TMEM232: variants seen among roughly 807,000 people sequenced by gnomAD.
TMEM232 encodes transmembrane protein 232.
A neutral mutation model predicts 78.8 loss-of-function variants in TMEM232; 80 were observed. That is an observed-to-expected ratio of 1.01 (90% CI 0.85 to 1.22). TMEM232 has a LOEUF of 1.22. Ranked by LOEUF, TMEM232 falls within the 50% of genes most tolerant of loss-of-function variation. TMEM232 has a pLI of 0.00. For synonymous variants in TMEM232, 297 were observed against 254.3 expected, an observed-to-expected ratio of 1.17 and a Z score of -1.60; for missense variants, 881 against 742.2, an observed-to-expected ratio of 1.19 and a Z score of -2.17.
At chr5:110,670,538 G>A (rs10061496) in intron 1 of TMEM232, among the ~76,000 whole-genome samples, 4,428 of 152,152 alleles carry the variant, frequency 0.029, 222 homozygotes, top group African/African-American at 0.1. Context: ...AATCAATATC[G>A]TGAAAATGGC....
chr5:110,439,773 T>C (rs1758830623), intron 12 of TMEM232, among the ~76,000 whole-genome samples: 2 of 152,126 alleles, frequency 1.3e-5, no homozygotes, highest in Admixed American at 1.3e-4. Flanking sequence ...CCAGTGGCTA[T>C]GTTCCACCGA....
chr5:110,715,665 A>G lies in TMEM232; in HGVS notation c.-13+10962T>C, dbSNP rs541750120. Among the ~76,000 whole-genome samples the G allele has an allele frequency of 6.9e-4, 105 of 152,170 alleles. 2 individuals carry two copies. Among genetic ancestry groups the G allele is most frequent in the Middle Eastern group, 6.8e-3 (2 of 294 alleles). On this transcript the variant is annotated intron_variant, in intron 1 of 13. Coordinates refer to ENST00000455884, the MANE Select transcript of TMEM232 (RefSeq NM_001039763.4). ...GCTTCGACCCTAACCATCTGAATGG[A>G]CTCCTTCCTCTCAGCCAGGGCACTC...
chr5:110,625,390 G>C lies in TMEM232; in HGVS notation c.645C>G (p.Ile215Met). ...TCAGGATGAATTGCACATTTGAAAA[G>C]ATGTTTGGATACTTGTGATATGATG... ...SGASYHKYPN[I>M]FSNVQFILKA... Residue 215 changes from isoleucine (I) to methionine (M), a missense_variant, in exon 7 of 14, where the codon ATC becomes ATG. Transcript: ENST00000455884. 6.5e-7 allele frequency: 1 copy of C among 1,545,346 alleles called. No homozygotes were observed. Among genetic ancestry groups the C allele is most frequent in the Non-Finnish European group, 8.7e-7 (1 of 1,143,542 alleles).
intron 11 of TMEM232, among the ~76,000 whole-genome samples, chr5:110,544,135 A>G (rs1342604185): frequency 6.6e-6 from 1 of 152,186 alleles, no homozygotes; most frequent in African/African-American, 2.4e-5. Flanking sequence ...AGTGATGCCT[A>G]TGAAGATTAT....
chr5:110,697,000 A>G (rs1377663923), intron 1 of TMEM232, among the ~76,000 whole-genome samples: 2 of 152,204 alleles, frequency 1.3e-5, no homozygotes, highest in African/African-American at 4.8e-5. Context: ...GTCAATTCTG[A>G]GCCAAAAGAA....
At chr5:110,713,079 A>C (rs1796657783) in intron 1 of TMEM232, among the ~76,000 whole-genome samples, 1 of 152,142 alleles carries the variant, frequency 6.6e-6, no homozygotes, top group Admixed American at 6.5e-5. Context: ...CAGCCATAAA[A>C]AGGAATAAGA....
At chr5:110,529,834 T>C (rs1444407931) in intron 11 of TMEM232, among the ~76,000 whole-genome samples, 2 of 152,214 alleles carry the variant, frequency 1.3e-5, no homozygotes, top group Non-Finnish European at 2.9e-5. Context: ...GAATCAGCAA[T>C]AATAAATGAA....
chr5:110,622,792 T>C (rs991907288), intron 7 of TMEM232, among the ~76,000 whole-genome samples: 5 of 140,032 alleles, frequency 3.6e-5, no homozygotes, highest in Admixed American at 7.9e-5. Flanking sequence ...GGTTGAACAA[T>C]GAGAACACAT....
intron 11 of TMEM232, among the ~76,000 whole-genome samples, chr5:110,548,134 G>C (rs553224331): frequency 6.6e-6 from 1 of 150,912 alleles, no homozygotes; most frequent in East Asian, 1.9e-4. Context: ...GAAGGCCACA[G>C]ATTCAAGGAT....
intron 1 of TMEM232, among the ~76,000 whole-genome samples, chr5:110,689,389 A>C (rs2150217156): frequency 6.6e-6 from 1 of 151,606 alleles, no homozygotes; most frequent in African/African-American, 2.4e-5. Flanking sequence ...ACTAAATTTA[A>C]AAATTGGCAA....
chr5:110,478,063 G>A lies in TMEM232; in HGVS notation c.1703+50525C>T, dbSNP rs913623199. On this transcript the variant is annotated intron_variant, in intron 12 of 13. Transcript: ENST00000455884. The stretch of plus-strand genomic sequence containing the variant: ...TCTGAATAGCATTACCATGTGACAT[G>A]TCTCAGCCATAAGAATCTCTTGGCA... Among the ~76,000 whole-genome samples the A allele has an allele frequency of 3.3e-5, 5 of 151,844 alleles. No individual in the cohort carries two copies. In the South Asian group the frequency reaches 1.0e-3, roughly 31 times the overall value.
chr5:110,624,753 C>T (rs934356545), intron 7 of TMEM232, among the ~76,000 whole-genome samples: 2 of 151,884 alleles, frequency 1.3e-5, no homozygotes, highest in African/African-American at 4.8e-5. Context: ...AATTTATAGC[C>T]AATTTTAGAA....
At chr5:110,532,192 G>C (rs1474562397) in intron 11 of TMEM232, among the ~76,000 whole-genome samples, 1 of 152,022 alleles carries the variant, frequency 6.6e-6, no homozygotes, top group Non-Finnish European at 1.5e-5. Context: ...CATTTGTGCA[G>C]GATCCCACTA....
At chr5:110,403,465 T>G (rs1365157385) in intron 2 of TMEM232, among the ~76,000 whole-genome samples, 1 of 152,020 alleles carries the variant, frequency 6.6e-6, no homozygotes, top group Non-Finnish European at 1.5e-5. Flanking sequence ...GCTTCGGCTA[T>G]CCATAGATTG....
At chr5:110,569,555 A>G (rs1330506018) in intron 10 of TMEM232, among the ~76,000 whole-genome samples, 2 of 151,918 alleles carry the variant, frequency 1.3e-5, no homozygotes, top group Non-Finnish European at 2.9e-5. Context: ...AGAGTTTTAA[A>G]GCCCTTTAAA....
intron 1 of TMEM232, among the ~76,000 whole-genome samples, chr5:110,726,240 C>T (rs375497169): frequency 2.0e-5 from 3 of 152,060 alleles, no homozygotes; most frequent in Admixed American, 6.5e-5. Context: ...TTTCACCAAC[C>T]ACAGAGGATG....
chr5:110,671,172 A>G (rs1175302999), intron 1 of TMEM232, among the ~76,000 whole-genome samples: 1 of 152,220 alleles, frequency 6.6e-6, no homozygotes, highest in African/African-American at 2.4e-5. Flanking sequence ...TGGTCATTAG[A>G]GAAATGCAAA....
chr5:110,413,090 G>A (rs930936066), intron 2 of TMEM232, among the ~76,000 whole-genome samples: 2 of 152,124 alleles, frequency 1.3e-5, no homozygotes, highest in African/African-American at 4.8e-5. Flanking sequence ...TGCCAAAGGA[G>A]ATTAACATTT....
At chr5:110,472,449 T>C (rs147215696) in intron 12 of TMEM232, among the ~76,000 whole-genome samples, 22 of 152,054 alleles carry the variant, frequency 1.4e-4, no homozygotes, top group African/African-American at 4.1e-4. Context: ...AGAATTAGTA[T>C]TGTTAAAAAG....
Sources: gnomAD v4.1 joint callset for allele counts (sites outside exome capture counted in the v4.1 genomes callset) on GRCh38, gnomAD v4.1.1 for gene constraint, MANE v1.5 for transcripts, NCBI Gene and HGNC (gene_info 2026-07-23, HGNC 2026-07-21) for gene names.